FERRY3: variants seen among roughly 807,000 people sequenced by gnomAD.
FERRY3 encodes protein C12orf4.
chr12:4,493,605 C>CT, the FERRY3 span, among the ~76,000 whole-genome samples: 3 of 152,316 alleles, frequency 2.0e-5, no homozygotes, highest in South Asian at 6.2e-4. Flanking sequence ...TGATATTCCA[C>CT]TTTAAGTTAT....
chr12:4,506,071 T>C, the FERRY3 span, among the ~76,000 whole-genome samples: 1 of 152,272 alleles, frequency 6.6e-6, no homozygotes, highest in Middle Eastern at 3.4e-3. Context: ...ATAAACATTA[T>C]GATTGAATAT....
chr12:4,517,199 C>A, the FERRY3 span: 2 of 1,520,672 alleles, frequency 1.3e-6, no homozygotes, highest in South Asian at 1.4e-5. Context: ...TCTAAGGGAC[C>A]CAAAACATTT....
At chr12:4,492,814 A>G in the FERRY3 span, among the ~76,000 whole-genome samples, 1 of 152,160 alleles carries the variant, frequency 6.6e-6, no homozygotes, top group Non-Finnish European at 1.5e-5. Flanking sequence ...AGAACTTACA[A>G]TTGCTTCCTA....
At chr12:4,524,605 A>G in the FERRY3 span, among the ~76,000 whole-genome samples, 43 of 152,288 alleles carry the variant, frequency 2.8e-4, no homozygotes, top group East Asian at 6.0e-3. Flanking sequence ...TGGAAATAGG[A>G]TTATTATACC....
At chr12:4,500,023 G>T in the FERRY3 span, 1 of 963,712 alleles carries the variant, frequency 1.0e-6, no homozygotes. Context: ...GATCGGAGAT[G>T]CAAAAATCCA....
At chr12:4,525,438 A>G in the FERRY3 span, 1 of 1,601,280 alleles carries the variant, frequency 6.2e-7, no homozygotes, top group South Asian at 1.1e-5. Flanking sequence ...CAAAAAAACA[A>G]AAGAAAATGC....
At chr12:4,494,344 ATAATT>A in the FERRY3 span, among the ~76,000 whole-genome samples, 6 of 152,186 alleles carry the variant, frequency 3.9e-5, no homozygotes, top group African/African-American at 1.4e-4. Context: ...ATTTTAAAAT[ATAATT>A]TATTACGTTC....
the FERRY3 span, among the ~76,000 whole-genome samples, chr12:4,511,255 C>T: frequency 1.3e-5 from 2 of 151,290 alleles, no homozygotes; most frequent in Non-Finnish European, 3.0e-5. Flanking sequence ...CCTGAGTGAC[C>T]TACAAAGAGA....
the FERRY3 span, chr12:4,500,251 T>A: frequency 6.2e-7 from 1 of 1,614,088 alleles, no homozygotes; most frequent in Non-Finnish European, 8.5e-7. Flanking sequence ...CGAGCAGTGA[T>A]GTTTCCCGAT....
chr12:4,520,058 T>C, the FERRY3 span, among the ~76,000 whole-genome samples: 1 of 152,362 alleles, frequency 6.6e-6, no homozygotes, highest in Admixed American at 6.5e-5. Context: ...AGGAGTTTCA[T>C]CTTTGTTACA....
chr12:4,501,379 A>G, the FERRY3 span, among the ~76,000 whole-genome samples: 1 of 152,196 alleles, frequency 6.6e-6, no homozygotes, highest in African/African-American at 2.4e-5. Context: ...GTCTAGAACA[A>G]GGGTCCCTCA....
At chr12:4,517,226 G>C in the FERRY3 span, 1 of 1,485,308 alleles carries the variant, frequency 6.7e-7, no homozygotes, top group Non-Finnish European at 9.0e-7. Flanking sequence ...TTCTAAATGC[G>C]AACTATCAAA....
At chr12:4,525,161 A>G in the FERRY3 span, 1 of 1,435,906 alleles carries the variant, frequency 7.0e-7, no homozygotes, top group Non-Finnish European at 9.4e-7. Flanking sequence ...GCAAATTAAA[A>G]AGACATACAG....
chr12:4,492,728 T>C, the FERRY3 span, among the ~76,000 whole-genome samples: 2 of 152,148 alleles, frequency 1.3e-5, no homozygotes, highest in South Asian at 2.1e-4. Context: ...GTGTCCTGAA[T>C]TCTAGTGTTT....
chr12:4,516,854 TAAAGTA>T, the FERRY3 span, among the ~76,000 whole-genome samples: 36 of 152,240 alleles, frequency 2.4e-4, no homozygotes, highest in East Asian at 2.1e-3. Context: ...CCCTGGAACT[TAAAGTA>T]AAAGTTGAAG....
chr12:4,519,013 T>C, the FERRY3 span: 3 of 523,982 alleles, frequency 5.7e-6, no homozygotes, highest in South Asian at 3.6e-5. This position sits in a 1 kb window ranked among gnomAD's most constrained non-coding sequence, Gnocchi z 4.3. Context: ...CCTTAATCCA[T>C]GGTGACAAGT....
the FERRY3 span, among the ~76,000 whole-genome samples, chr12:4,493,499 T>C: frequency 2.3e-4 from 35 of 152,328 alleles, no homozygotes; most frequent in African/African-American, 7.5e-4. Context: ...TGTTTTAAGA[T>C]TGATTAAAGA....
the FERRY3 span, chr12:4,490,739 G>A: frequency 1.6e-6 from 1 of 611,062 alleles, no homozygotes. Flanking sequence ...TACACCTAAA[G>A]GACAGATAAA....
At chr12:4,491,471 A>T in the FERRY3 span, among the ~76,000 whole-genome samples, 2 of 151,932 alleles carry the variant, frequency 1.3e-5, no homozygotes, top group African/African-American at 4.9e-5. Flanking sequence ...TAAAAAATAT[A>T]TATATCCTTA....
Sources: allele counts gnomAD v4.1 joint callset (sites outside exome capture counted in the v4.1 genomes callset), GRCh38; gene constraint gnomAD v4.1.1; non-coding constraint Gnocchi (gnomAD v3.1); transcripts MANE v1.5; gene names NCBI Gene and HGNC (gene_info 2026-07-23, HGNC 2026-07-21).